The following CSMD1 variants were observed in gnomAD, a reference collection of about 807,000 sequenced individuals.
CSMD1 encodes CUB and sushi domain-containing protein 1.
In CSMD1, 213 loss-of-function variants were observed where a neutral mutation model predicts 417.5. The observed-to-expected ratio is 0.51, with a 90% CI of 0.46 to 0.57. The LOEUF (loss-of-function observed/expected upper bound fraction) is 0.57, where lower values mean the gene tolerates loss of function less well. Among genes scored for constraint, CSMD1 ranks in the 20% least tolerant of loss-of-function variants. CSMD1 has a pLI of 0.00. For synonymous variants in CSMD1, 2,862 were observed against 1,736.8 expected, an observed-to-expected ratio of 1.65 and a Z score of -16.11; for missense variants, 6,923 against 4,529.7, an observed-to-expected ratio of 1.53 and a Z score of -15.17.
At chr8:2,974,808 T>C (rs1376715308) in intron 55 of CSMD1, among the ~76,000 whole-genome samples, 184 bp from the exon 56 acceptor site, 1 of 152,206 alleles carries the variant, frequency 6.6e-6, no homozygotes, top group African/African-American at 2.4e-5. Flanking sequence ...CCTAATTTCT[T>C]TACTGAAAAG....
At chr8:4,269,705 C>A (rs761014967) in intron 3 of CSMD1, among the ~76,000 whole-genome samples, 41 of 152,126 alleles carry the variant, frequency 2.7e-4, no homozygotes, top group Admixed American at 2.5e-3. Context: ...TATCAATTAA[C>A]CAGCATCTGT....
At chr8:3,932,042 T>G (rs1810187666) in intron 5 of CSMD1, among the ~76,000 whole-genome samples, 1 of 150,382 alleles carries the variant, frequency 6.6e-6, no homozygotes, top group Non-Finnish European at 1.5e-5. Context: ...CAGTTCTAAT[T>G]TCATCAGAGA....
At chr8:4,187,907 AT>A (rs1798780134) in intron 3 of CSMD1, among the ~76,000 whole-genome samples, 1 of 152,028 alleles carries the variant, frequency 6.6e-6, no homozygotes, top group Non-Finnish European at 1.5e-5. Flanking sequence ...GATATCATGC[AT>A]TTGTTGTTAA....
intron 2 of CSMD1, among the ~76,000 whole-genome samples, chr8:4,545,049 T>C (rs1228220475): frequency 6.6e-6 from 1 of 152,228 alleles, no homozygotes; most frequent in Admixed American, 6.5e-5. Flanking sequence ...TTAAACAATA[T>C]ACGTGTGTGT....
intron 3 of CSMD1, among the ~76,000 whole-genome samples, chr8:4,078,317 T>A (rs904056232): frequency 5.3e-5 from 8 of 150,138 alleles, no homozygotes; most frequent in African/African-American, 2.0e-4. Flanking sequence ...ATCCAACTTT[T>A]TTTTTTTTTT....
At chr8:4,295,509 A>G (rs1442713834) in intron 3 of CSMD1, among the ~76,000 whole-genome samples, 1 of 144,420 alleles carries the variant, frequency 6.9e-6, no homozygotes, top group Non-Finnish European at 1.5e-5. Context: ...TCTTATACAC[A>G]TATAATCTTA....
intron 12 of CSMD1, among the ~76,000 whole-genome samples, chr8:3,443,338 G>C (rs1304234645): frequency 6.7e-6 from 1 of 149,888 alleles, no homozygotes; most frequent in Non-Finnish European, 1.5e-5. Flanking sequence ...AAAGAGGAGA[G>C]AGAGAGAAAG....
chr8:4,430,085 T>C (rs1158395712), intron 2 of CSMD1, among the ~76,000 whole-genome samples: 9 of 152,172 alleles, frequency 5.9e-5, no homozygotes, highest in Non-Finnish European at 1.5e-5. Flanking sequence ...CAAAACTTAA[T>C]GTTTAAATCC....
chr8:4,075,059 C>T (rs1052446886), intron 3 of CSMD1, among the ~76,000 whole-genome samples: 18 of 152,126 alleles, frequency 1.2e-4, no homozygotes, highest in Middle Eastern at 3.4e-3. Flanking sequence ...GTAAATAATG[C>T]TCATACAGTG....
At chr8:4,529,927 C>G (rs60805706) in intron 2 of CSMD1, among the ~76,000 whole-genome samples, 10 of 149,762 alleles carry the variant, frequency 6.7e-5, no homozygotes, top group African/African-American at 2.4e-4. Flanking sequence ...TTTTGTTTGT[C>G]TGTTTGAGAC....
chr8:3,335,327 C>T (rs923349434), intron 23 of CSMD1, among the ~76,000 whole-genome samples: 3 of 152,186 alleles, frequency 2.0e-5, no homozygotes, highest in African/African-American at 7.2e-5. Flanking sequence ...TCCCCTCCAT[C>T]ACACACAGCC....
chr8:3,498,283 G>A (rs1361898772), intron 10 of CSMD1, among the ~76,000 whole-genome samples: 1 of 152,140 alleles, frequency 6.6e-6, no homozygotes. Flanking sequence ...ATATCAAGGT[G>A]TGGATATTTT....
chr8:3,284,574 G>A (rs1177172580), intron 25 of CSMD1: 1 of 533,056 alleles, frequency 1.9e-6, no homozygotes, highest in Non-Finnish European at 3.4e-6. Context: ...TGGACGCAGA[G>A]AGATAGGTGA....
intron 5 of CSMD1, among the ~76,000 whole-genome samples, chr8:3,785,917 A>G (rs911644789): frequency 8.5e-5 from 13 of 152,212 alleles, no homozygotes; most frequent in African/African-American, 3.1e-4. Context: ...TCTGTACACC[A>G]TTCTTGGAGC....
chr8:3,038,703 T>TAAA (rs1330643718), intron 50 of CSMD1, among the ~76,000 whole-genome samples: 91 of 152,276 alleles, frequency 6.0e-4, no homozygotes, highest in South Asian at 8.3e-4. Flanking sequence ...AAAAAAAAAT[T>TAAA]CGCTTAAGTA....
intron 7 of CSMD1, among the ~76,000 whole-genome samples, chr8:3,655,959 T>C (rs1798079706): frequency 6.6e-6 from 1 of 152,098 alleles, no homozygotes; most frequent in Non-Finnish European, 1.5e-5. Context: ...CTGATTCCTG[T>C]CCCACCTGGC....
chr8:4,444,226 C>T (rs138931242), intron 2 of CSMD1, among the ~76,000 whole-genome samples: 4 of 151,690 alleles, frequency 2.6e-5, no homozygotes, highest in East Asian at 2.0e-4. Flanking sequence ...CCTGTGATCC[C>T]AACTACTCGG....
At chr8:3,882,931 G>A (rs1585135659) in intron 5 of CSMD1, among the ~76,000 whole-genome samples, 1 of 152,102 alleles carries the variant, frequency 6.6e-6, no homozygotes, top group East Asian at 1.9e-4. Flanking sequence ...CTGCATCTTG[G>A]CCTTGTACTG....
chr8:4,955,369 T>C lies in CSMD1; in HGVS notation c.85+38963A>G, dbSNP rs1036673571. On this transcript the variant is annotated intron_variant, in intron 1 of 69. Transcript: ENST00000635120. ...CCATGCATTTTATGACTTTTTATTA[T>C]GATTGGTGTCTTTCATGTGTTGAGA... 1.3e-5 allele frequency among the ~76,000 whole-genome samples: 2 copies of C among 152,168 alleles called. 1 individual carries two copies. Among genetic ancestry groups the C allele is most frequent in the Admixed American group, 1.3e-4 (2 of 15,278 alleles).
Sources: gnomAD v4.1 joint callset for allele counts (sites outside exome capture counted in the v4.1 genomes callset) on GRCh38, gnomAD v4.1.1 for gene constraint, MANE v1.5 for transcripts, NCBI Gene and HGNC (gene_info 2026-07-23, HGNC 2026-07-21) for gene names.